Variants in USP7 observed in about 807,000 individuals in gnomAD.
USP7 encodes the protein ubiquitin C-terminal hydrolase 7.
In USP7, 9 loss-of-function variants were observed where a neutral mutation model predicts 162.9. The ratio of observed to expected loss-of-function variants is 0.06; its 90% confidence interval spans 0.03 to 0.10. The LOEUF is 0.10. USP7 is among the 10% of genes least tolerant of loss of function. The probability of loss-of-function intolerance (pLI) is 1.00; values close to 1 mark genes in which losing one functional copy is unlikely to be tolerated. For missense variants in USP7, 715 were observed against 1,373.7 expected (o/e 0.52, Z 7.58); for synonymous variants, 562 against 475.9 (o/e 1.18, Z -2.35).
intron 6 of USP7, among the ~76,000 whole-genome samples, chr16:8,917,717 A>G (rs2141205176): frequency 6.6e-6 from 1 of 152,094 alleles, no homozygotes; most frequent in South Asian, 2.1e-4. Flanking sequence ...ATACAGAAAA[A>G]GTAAACAAAA....
chr16:8,962,269 T>C (rs927957152), intron 1 of USP7, among the ~76,000 whole-genome samples: 1 of 152,174 alleles, frequency 6.6e-6, no homozygotes, highest in African/African-American at 2.4e-5. Flanking sequence ...GTCACGTAGG[T>C]AAGAAAACTT....
chr16:8,911,872 A>G (rs1296994112), intron 10 of USP7, among the ~76,000 whole-genome samples: 1 of 152,230 alleles, frequency 6.6e-6, no homozygotes, highest in African/African-American at 2.4e-5. Context: ...TGGGGGGAAC[A>G]ACCTTCAGAG....
intron 1 of USP7, among the ~76,000 whole-genome samples, chr16:8,932,441 C>CACATACTTCT (rs1163634316): frequency 2.0e-5 from 3 of 152,130 alleles, no homozygotes; most frequent in Non-Finnish European, 4.4e-5. Context: ...AAAACATATA[C>CACATACTTCT]ACATACTTCT....
At chr16:8,899,838 C>T (rs2061746148) in intron 21 of USP7, 81 bp from the exon 22 acceptor site, 2 of 1,473,920 alleles carry the variant, frequency 1.4e-6, no homozygotes, top group Non-Finnish European at 1.9e-6. Flanking sequence ...ATCTTTTACA[C>T]AACAGTGACA....
chr16:8,924,522 C>T (rs1031919149), intron 2 of USP7, among the ~76,000 whole-genome samples: 7 of 152,238 alleles, frequency 4.6e-5, no homozygotes, highest in Non-Finnish European at 2.9e-5. Context: ...CATCCCTGAC[C>T]ACCAGGCTCC....
intron 17 of USP7, 55 bp from the exon 18 acceptor site, chr16:8,902,242 G>T: frequency 6.3e-7 from 1 of 1,591,598 alleles, no homozygotes; most frequent in Non-Finnish European, 8.6e-7. Context: ...AGGTGACAGA[G>T]CGAAAAACTA....
Position 8,903,265 on chromosome 16 carries a change from C to T in USP7, c.1839+3G>A, listed in dbSNP as rs2141175764. ...GGGGTATATCCACGGGACCGGTACG[C>T]ACCATGGTCTGAGAGAGGCTCTGAA... On this transcript the variant is annotated splice_donor_region_variant and intron_variant, in intron 16 of 30. Transcript: ENST00000344836. 1.2e-6 allele frequency: 2 copies of T among 1,612,980 alleles called. No individual in the cohort carries two copies. Among genetic ancestry groups the T allele is most frequent in the Non-Finnish European group, 1.7e-6 (2 of 1,179,560 alleles).
rs148866380 is a variant in USP7 at position 8,962,113 on chromosome 16, G to A, written c.79+1094C>T. Among the ~76,000 whole-genome samples, 1,157 of 152,242 alleles carry A rather than the reference G, an allele frequency of 7.6e-3. 16 individuals are homozygous for A. The highest frequency in any genetic ancestry group is 0.025 in the African/African-American group (1,018 of 41,540). Reference sequence around the variant, plus strand: ...GCAGCGCCCCACACTTGGAGCCACCGCACAGGACAAATACTGCTTTTCCTG... The same window carrying A: ...GCAGCGCCCCACACTTGGAGCCACCACACAGGACAAATACTGCTTTTCCTG... On this transcript the variant is annotated intron_variant, in intron 1 of 30. Coordinates refer to ENST00000344836, the MANE Select transcript of USP7 (RefSeq NM_003470.3).
At chr16:8,903,607 C>T (rs2061811921) in intron 15 of USP7, among the ~76,000 whole-genome samples, 1 of 152,124 alleles carries the variant, frequency 6.6e-6, no homozygotes, top group African/African-American at 2.4e-5. Context: ...GGGCAGGGCA[C>T]GGTGGCTCAT....
chr16:8,934,233 A>G (rs141032462), intron 1 of USP7, among the ~76,000 whole-genome samples: 15 of 152,338 alleles, frequency 9.8e-5, no homozygotes, highest in African/African-American at 3.4e-4. Context: ...ATGTAAGTGT[A>G]AGCAGTCTAA....
rs575974528 is a variant in USP7, at chr16:8,930,451, A to G, written c.80-54T>C. 11 of 1,294,454 alleles carry G rather than the reference A, an allele frequency of 8.5e-6. No homozygotes were observed. In the African/African-American group the frequency reaches 1.5e-4, roughly 17 times the overall value. The allele number at this position is 1,294,454 out of a possible 1,614,324, so 80.2% of individuals were successfully genotyped here. ...GTTTTACATTCATGGCTTTAATAGAATAAGCAAAATATAAACTTATACTTT... is the reference window on the plus strand; with the variant it reads ...GTTTTACATTCATGGCTTTAATAGAGTAAGCAAAATATAAACTTATACTTT... On this transcript the variant is annotated intron_variant, in intron 1 of 30. Transcript: ENST00000344836.
At chr16:8,961,845 G>A (rs1900028455) in intron 1 of USP7, among the ~76,000 whole-genome samples, 1 of 152,176 alleles carries the variant, frequency 6.6e-6, no homozygotes. Flanking sequence ...GGCGCTCTTA[G>A]TTGCTGCTTT....
At chr16:8,896,912 G>T in intron 26 of USP7, 87 bp downstream of exon 26, 1 of 996,828 alleles carries the variant, frequency 1.0e-6, no homozygotes, top group African/African-American at 1.6e-5. Flanking sequence ...ATCCCAGCTG[G>T]GTGATTTCCA....
chr16:8,900,444 T>A (rs2061756963), intron 21 of USP7, 86 bp downstream of exon 21: 1 of 945,798 alleles, frequency 1.1e-6, no homozygotes, highest in Non-Finnish European at 1.5e-6. Flanking sequence ...TGGCTCGGGA[T>A]CTAGGTACAA....
intron 10 of USP7, 114 bp from the exon 11 acceptor site, chr16:8,910,941 C>T (rs1170154976): frequency 1.4e-5 from 12 of 850,668 alleles, no homozygotes; most frequent in Admixed American, 1.3e-4. Context: ...AGGTAAACAA[C>T]ACTAACAGTA....
At chr16:8,910,614 C>T (rs1236978304) in intron 11 of USP7, 131 bp downstream of exon 11, 2 of 789,102 alleles carry the variant, frequency 2.5e-6, no homozygotes, top group African/African-American at 3.5e-5. Context: ...ATCCTACAAA[C>T]AGAATCCTTG....
In USP7 at chr16:8,953,132, C is replaced by T. The variant is rs112251519; in HGVS notation, c.79+10075G>A. Among the ~76,000 whole-genome samples, 529 of 152,218 alleles carry T rather than the reference C, an allele frequency of 3.5e-3. 3 individuals are homozygous for T. Among genetic ancestry groups the T allele is most frequent in the African/African-American group, 0.011 (457 of 41,524 alleles). On this transcript the variant is annotated intron_variant, in intron 1 of 30. Coordinates refer to ENST00000344836, the MANE Select transcript of USP7 (RefSeq NM_003470.3). ...TACAGGTGTGAGCCACTATGCCTGG[C>T]CTCACCACCTCTTTTCACACTCAGC...
Position 8,893,786 on chromosome 16 carries a change from T to C in USP7, c.*212A>G. On this transcript the variant is annotated 3_prime_UTR_variant, in exon 31 of 31. Transcript: ENST00000344836. ...TACCATAAAATAACTCTCATTGGCA[T>C]CCAAGCTTTATAAAAACATCTTCAT... is the stretch of plus-strand genomic sequence containing the variant. 1 of 534,522 alleles carries C rather than the reference T, an allele frequency of 1.9e-6. No homozygotes were observed. Among genetic ancestry groups the C allele is most frequent in the Non-Finnish European group, 3.4e-6 (1 of 295,450 alleles). 33.1% of individuals were successfully genotyped at this position (534,522 alleles called of 1,614,324 possible).
chr16:8,919,602 CTTTT>C (rs771261119), intron 5 of USP7, among the ~76,000 whole-genome samples: 14 of 152,022 alleles, frequency 9.2e-5, no homozygotes, highest in Middle Eastern at 6.8e-3. Flanking sequence ...ACTCCCAGAG[CTTTT>C]TTTATTTTGT....
Sources: gnomAD v4.1 joint callset for allele counts (sites outside exome capture counted in the v4.1 genomes callset) on GRCh38, gnomAD v4.1.1 for gene constraint, MANE v1.5 for transcripts, NCBI Gene and HGNC (gene_info 2026-07-23, HGNC 2026-07-21) for gene names.